CHD2: variants seen among roughly 807,000 people sequenced by gnomAD.
The protein encoded by CHD2 is chromodomain helicase DNA binding protein 2, also known as ATP-dependent chromatin remodeler CHD2.
CHD2 carries 28 observed loss-of-function variants against 243.9 expected under a neutral mutation model. That is an observed-to-expected ratio of 0.11 (90% CI 0.09 to 0.16). CHD2 has a LOEUF of 0.16. Among genes scored for constraint, CHD2 ranks in the 10% least tolerant of loss-of-function variants. The pLI, the probability that CHD2 is intolerant of heterozygous loss-of-function variation, is 1.00. For missense variants in CHD2, 1,386 were observed against 2,209.8 expected (o/e 0.63, Z 7.47); for synonymous variants, 775 against 779.0 (o/e 0.99, Z 0.09).
chr15:92,949,115 T>C, intron 13 of CHD2, 39 bp downstream of exon 13: 1 of 1,594,190 alleles, frequency 6.3e-7, no homozygotes. Context: ...CCTTACTGTT[T>C]CTGGCTTCTT....
rs199687440 is a variant in CHD2 at position 92,901,339 on chromosome 15, T to G, written c.62+40T>G. The G allele has an allele frequency of 6.8e-4, 853 of 1,246,362 alleles. 1 individual carries two copies. The highest frequency in any genetic ancestry group is 4.7e-3 in the African/African-American group (315 of 66,874). The allele number at this position is 1,246,362 out of a possible 1,614,324, so 77.2% of individuals were successfully genotyped here. A position where few individuals can be genotyped will look rare whatever the true frequency, so the allele number is the denominator to read the frequency against. On this transcript the variant is annotated intron_variant, in intron 2 of 38. Transcript: ENST00000394196. ...CTTTCTTCCTTTTTGTCTTTTTTTT[T>G]GGGGGAGAAACCTCAGCTTACAATT...
At chr15:93,012,518 T>C in intron 36 of CHD2, 74 bp downstream of exon 36, 1 of 1,062,442 alleles carries the variant, frequency 9.4e-7, no homozygotes, top group South Asian at 1.5e-5. Context: ...ATTTTTGTTT[T>C]TCCATGGGGA....
chr15:93,018,830 C>G (rs560242538), intron 37 of CHD2, among the ~76,000 whole-genome samples: 1 of 152,306 alleles, frequency 6.6e-6, no homozygotes, highest in Admixed American at 6.5e-5. Flanking sequence ...GATGCCTGTC[C>G]TGGAATTTGT....
intron 16 of CHD2, among the ~76,000 whole-genome samples, chr15:92,965,040 T>A (rs543818046): frequency 6.6e-6 from 1 of 152,320 alleles, no homozygotes; most frequent in South Asian, 2.1e-4. Flanking sequence ...TAACCTATTT[T>A]TCTAAAATTC....
At chr15:92,960,021 C>A (rs1415642888) in intron 16 of CHD2, among the ~76,000 whole-genome samples, 1 of 152,066 alleles carries the variant, frequency 6.6e-6, no homozygotes. Context: ...AGTTTTTCTC[C>A]ATTTATTTAG....
Position 93,024,549 on chromosome 15 carries a change from A to G in CHD2, c.5331A>G (p.Leu1777=), listed in dbSNP as rs2054570394. The G allele has an allele frequency of 6.2e-7, 1 of 1,613,860 alleles. No homozygotes were observed. Among genetic ancestry groups the G allele is most frequent in the Non-Finnish European group, 8.5e-7 (1 of 1,179,966 alleles). ...TDKLGEYKQP[L]PPLHPAVSDP... ...AACTGGGGGAATATAAACAGCCTCT[A>G]CCCCCATTGCACCCTGCAGTCTCAG... The change falls in exon 39 of 39, where the codon CTA becomes CTG. Residue 1777 remains leucine, a synonymous_variant. Transcript: ENST00000394196.
At chr15:92,972,491 C>T (rs2053853374) in intron 19 of CHD2, 74 bp downstream of exon 19, 2 of 1,318,122 alleles carry the variant, frequency 1.5e-6, no homozygotes, top group East Asian at 4.9e-5. Context: ...CCTTCCTACA[C>T]TGGGTTGTAT....
At chr15:92,943,671 T>C (rs558417029) in intron 9 of CHD2, 1 of 156,286 alleles carries the variant, frequency 6.4e-6, no homozygotes, top group Admixed American at 6.2e-5. Context: ...GGGAAATATG[T>C]GGAGCTATAG....
chr15:93,014,081 A>G (rs2054428464), intron 36 of CHD2, among the ~76,000 whole-genome samples: 1 of 152,184 alleles, frequency 6.6e-6, no homozygotes, highest in Non-Finnish European at 1.5e-5. Flanking sequence ...ACATGAAGTG[A>G]AAAATGAATA....
chr15:93,014,993 T>C, intron 37 of CHD2, 84 bp downstream of exon 37: 1 of 1,051,596 alleles, frequency 9.5e-7, no homozygotes, highest in Non-Finnish European at 1.5e-6. Flanking sequence ...AGACACTGGC[T>C]AGACTTCTGT....
intron 7 of CHD2, among the ~76,000 whole-genome samples, chr15:92,940,283 G>A (rs2053338505): frequency 6.6e-6 from 1 of 152,064 alleles, no homozygotes; most frequent in Non-Finnish European, 1.5e-5. Context: ...GCGAGACCCT[G>A]TCTCTACAAA....
intron 26 of CHD2, among the ~76,000 whole-genome samples, chr15:92,987,377 C>T (rs1001661241): frequency 2.0e-5 from 3 of 152,124 alleles, no homozygotes; most frequent in South Asian, 2.1e-4. Flanking sequence ...GCAGGCAGAT[C>T]GCTGGAGCCT....
chr15:92,998,782 A>G lies in CHD2; in HGVS notation c.4008+161A>G, dbSNP rs959400302. 6.6e-6 allele frequency among the ~76,000 whole-genome samples: 1 copy of G among 152,088 alleles called. No individual in the cohort carries two copies. The highest frequency in any genetic ancestry group is 1.5e-5 in the Non-Finnish European group (1 of 68,004). On this transcript the variant is annotated intron_variant, in intron 31 of 38. Transcript: ENST00000394196. This position sits in a 1 kb window ranked among gnomAD's most constrained non-coding sequence, Gnocchi z 5.1. ...TCCAGTAATGATGCTTTGCTTGGTA[A>G]TAATAGAAATGTTCATTTAGGCCTG...
At chr15:92,932,084 A>G (rs758610005) in intron 5 of CHD2, among the ~76,000 whole-genome samples, 1 of 152,082 alleles carries the variant, frequency 6.6e-6, no homozygotes, top group Non-Finnish European at 1.5e-5. Flanking sequence ...GGATGGTCTC[A>G]GTCTCTTGAC....
chr15:92,949,112 G>GT, intron 13 of CHD2, 36 bp downstream of exon 13: 2 of 1,591,990 alleles, frequency 1.3e-6, no homozygotes, highest in Non-Finnish European at 1.7e-6. Context: ...TTTCCTTACT[G>GT]TTTCTGGCTT....
intron 24 of CHD2, among the ~76,000 whole-genome samples, chr15:92,983,057 G>A (rs1431749145): frequency 6.6e-6 from 1 of 152,108 alleles, no homozygotes; most frequent in Non-Finnish European, 1.5e-5. Context: ...TAGAGAGAGA[G>A]AAGCTAGAGA....
intron 24 of CHD2, 64 bp from the exon 25 acceptor site, chr15:92,984,266 A>G: frequency 7.9e-7 from 1 of 1,272,628 alleles, no homozygotes; most frequent in South Asian, 2.2e-5. Context: ...ACACTGGATA[A>G]ATTGTTTTAG....
intron 14 of CHD2, chr15:92,954,086 C>T (rs778010964): frequency 6.5e-6 from 1 of 153,750 alleles, no homozygotes; most frequent in African/African-American, 2.4e-5. Flanking sequence ...ATTTGGGCAT[C>T]ATGAATTTAG....
In CHD2 at chr15:93,014,617, T is replaced by C; in HGVS notation, c.4693-79T>C. ...TTAAGAAGGACAAGAAGGAGCTGTT[T>C]AGAGGTGATAGCCTTTATTCTTCTC... On this transcript the variant is annotated intron_variant, in intron 36 of 38. Transcript: ENST00000394196. 7 of 1,280,068 alleles carry C rather than the reference T, an allele frequency of 5.5e-6. No homozygotes were observed. The South Asian group carries it at 9.1e-5, about 17-fold the overall frequency. The allele number at this position is 1,280,068 out of a possible 1,614,324, so 79.3% of individuals were successfully genotyped here. A position where few individuals can be genotyped will look rare whatever the true frequency, so the allele number is the denominator to read the frequency against.
Sources: gnomAD v4.1 joint callset for allele counts (sites outside exome capture counted in the v4.1 genomes callset) on GRCh38, gnomAD v4.1.1 for gene constraint, Gnocchi (gnomAD v3.1) non-coding constraint, MANE v1.5 for transcripts, NCBI Gene and HGNC (gene_info 2026-07-23, HGNC 2026-07-21) for gene names.